The following PRKG1 variants were observed in gnomAD, a reference collection of about 807,000 sequenced individuals.
PRKG1 encodes the protein protein kinase cGMP-dependent 1.
PRKG1 carries 35 observed loss-of-function variants against 88.1 expected under a neutral mutation model. The observed-to-expected ratio is 0.40, with a 90% CI of 0.30 to 0.53. PRKG1 has a LOEUF of 0.53. Ranked by LOEUF, PRKG1 falls within the 20% of genes least tolerant of loss-of-function variation. The pLI is 0.59. For synonymous variants in PRKG1, 303 were observed against 292.5 expected, an observed-to-expected ratio of 1.04 and a Z score of -0.37; for missense variants, 540 against 839.8, an observed-to-expected ratio of 0.64 and a Z score of 4.41.
At chr10:52,145,495 G>A (rs971658089) in intron 8 of PRKG1, among the ~76,000 whole-genome samples, 9 of 152,032 alleles carry the variant, frequency 5.9e-5, no homozygotes, top group African/African-American at 1.2e-4. Context: ...CCTTTTTTAT[G>A]TACAACATTT....
At chr10:51,731,420 G>T (rs1480768171) in intron 3 of PRKG1, among the ~76,000 whole-genome samples, 2 of 152,022 alleles carry the variant, frequency 1.3e-5, no homozygotes, top group East Asian at 3.9e-4. Context: ...CCCCACCCTT[G>T]GTATTTCTGC....
At chr10:51,024,612 C>T (rs1028472024) in intron 1 of PRKG1, among the ~76,000 whole-genome samples, 2 of 152,094 alleles carry the variant, frequency 1.3e-5, no homozygotes, top group East Asian at 1.9e-4. Flanking sequence ...TAAAGAAATA[C>T]CTGAGACTGG....
chr10:51,374,093 A>AATATATATATATATATATATATATATAT (rs58198784), intron 2 of PRKG1, among the ~76,000 whole-genome samples: 34 of 99,980 alleles, frequency 3.4e-4, no homozygotes, highest in Non-Finnish European at 5.3e-4. Context: ...AAAAAAAAAA[A>AATATATATATATATATATATATATATAT]ATATATATAT....
intron 3 of PRKG1, among the ~76,000 whole-genome samples, chr10:51,650,280 T>C (rs1467608556): frequency 6.6e-6 from 1 of 152,228 alleles, no homozygotes; most frequent in African/African-American, 2.4e-5. Flanking sequence ...TGAAACCTCA[T>C]GGTTTTTGTT....
At chr10:51,340,871 A>AT (rs1295541945) in intron 2 of PRKG1, among the ~76,000 whole-genome samples, 1 of 152,200 alleles carries the variant, frequency 6.6e-6, no homozygotes, top group Non-Finnish European at 1.5e-5. Context: ...TAAGAGGGTC[A>AT]TTTTATCCAT....
chr10:52,126,937 T>G (rs543061954), intron 7 of PRKG1, among the ~76,000 whole-genome samples: 27 of 152,304 alleles, frequency 1.8e-4, no homozygotes, highest in African/African-American at 6.5e-4. Context: ...CTTGTTTTCT[T>G]TAAAAGTTCT....
chr10:52,031,748 A>T (rs890092853), intron 5 of PRKG1, among the ~76,000 whole-genome samples: 1 of 152,220 alleles, frequency 6.6e-6, no homozygotes, highest in Non-Finnish European at 1.5e-5. Flanking sequence ...TATATAAATA[A>T]TCTCTAAGAA....
At chr10:51,460,228 A>G (rs1332582607) in intron 2 of PRKG1, among the ~76,000 whole-genome samples, 25 of 152,096 alleles carry the variant, frequency 1.6e-4, no homozygotes, top group Admixed American at 1.6e-3. Context: ...GTTACATTAT[A>G]TTACATACTC....
At chr10:51,927,803 G>A (rs542698989) in intron 5 of PRKG1, among the ~76,000 whole-genome samples, 1 of 152,158 alleles carries the variant, frequency 6.6e-6, no homozygotes, top group South Asian at 2.1e-4. Flanking sequence ...TATCATTTGA[G>A]ACTATGTTAT....
intron 3 of PRKG1, among the ~76,000 whole-genome samples, chr10:51,702,105 A>G (rs1019018616): frequency 2.0e-5 from 3 of 152,218 alleles, no homozygotes; most frequent in Non-Finnish European, 4.4e-5. Flanking sequence ...TTAATATACT[A>G]TTCTAGTACA....
At chr10:51,261,760 ATG>A (rs1839711909) in intron 2 of PRKG1, among the ~76,000 whole-genome samples, 1 of 151,828 alleles carries the variant, frequency 6.6e-6, no homozygotes, top group Non-Finnish European at 1.5e-5. Context: ...GAGGGGAAGT[ATG>A]TGACTGAAGG....
chr10:51,015,994 G>C (rs1843053512), intron 1 of PRKG1, among the ~76,000 whole-genome samples: 2 of 152,238 alleles, frequency 1.3e-5, no homozygotes, highest in Non-Finnish European at 2.9e-5. Flanking sequence ...AAAGGGACTA[G>C]AAGATCATTA....
At chr10:51,312,562 A>C (rs188966538) in intron 2 of PRKG1, among the ~76,000 whole-genome samples, 1 of 152,270 alleles carries the variant, frequency 6.6e-6, no homozygotes, top group Admixed American at 6.5e-5. Flanking sequence ...CAAATGAGGT[A>C]GGGGTAGGTG....
intron 3 of PRKG1, among the ~76,000 whole-genome samples, chr10:51,553,183 T>G (rs1837186226): frequency 6.6e-6 from 1 of 151,686 alleles, no homozygotes; most frequent in Admixed American, 6.6e-5. Flanking sequence ...TTGTTTTATC[T>G]TGGGATTTCA....
chr10:51,606,339 T>C (rs956771811), intron 3 of PRKG1, among the ~76,000 whole-genome samples: 1 of 152,202 alleles, frequency 6.6e-6, no homozygotes, highest in Non-Finnish European at 1.5e-5. Context: ...GGTAACTCTT[T>C]CTGAGGCCTG....
intron 2 of PRKG1, among the ~76,000 whole-genome samples, chr10:51,384,506 G>T (rs746246918): frequency 5.3e-5 from 8 of 152,040 alleles, no homozygotes; most frequent in Admixed American, 1.3e-4. Flanking sequence ...TTTCTTGTTT[G>T]TAAAATGTTT....
chr10:51,803,419 G>T (rs559236767), intron 3 of PRKG1, among the ~76,000 whole-genome samples: 4 of 152,148 alleles, frequency 2.6e-5, no homozygotes, highest in East Asian at 1.9e-4. Flanking sequence ...TCAAAGATGG[G>T]TTTACTCTGG....
chr10:52,201,370 G>A (rs1335383051), intron 9 of PRKG1, among the ~76,000 whole-genome samples: 1 of 152,060 alleles, frequency 6.6e-6, no homozygotes, highest in African/African-American at 2.4e-5. Context: ...TTATAGGTGT[G>A]CAGCTTTATT....
chr10:52,024,025 C>G (rs539722233), intron 5 of PRKG1, among the ~76,000 whole-genome samples: 1 of 152,216 alleles, frequency 6.6e-6, no homozygotes, highest in East Asian at 1.9e-4. Context: ...AGGTTTTCTT[C>G]TAGGGTTTTT....
Sources: gnomAD v4.1 joint callset for allele counts (sites outside exome capture counted in the v4.1 genomes callset) on GRCh38, gnomAD v4.1.1 for gene constraint, MANE v1.5 for transcripts, NCBI Gene and HGNC (gene_info 2026-07-23, HGNC 2026-07-21) for gene names.